REC114: variants seen among roughly 807,000 people sequenced by gnomAD.
The protein encoded by REC114 is meiotic recombination protein REC114.
Under a neutral mutation model 31.3 loss-of-function variants are expected in REC114, and 27 were observed. The observed-to-expected ratio is 0.86, with a 90% CI of 0.64 to 1.19. The LOEUF (loss-of-function observed/expected upper bound fraction) is 1.19. Ranked by LOEUF, REC114 falls within the 50% of genes most tolerant of loss-of-function variation. The pLI, the probability that REC114 is intolerant of heterozygous loss-of-function variation, is 0.00. For synonymous variants in REC114, 134 were observed against 127.7 expected (o/e 1.05, Z -0.33); for missense variants, 344 against 326.9 (o/e 1.05, Z -0.40).
chr15:73,444,424 G>A (rs1000935529), intron 1 of REC114, among the ~76,000 whole-genome samples: 7 of 152,092 alleles, frequency 4.6e-5, no homozygotes, highest in African/African-American at 9.7e-5. Context: ...CAATGTTCAC[G>A]GCATCTTCAC....
At chr15:73,508,775 C>T (rs1409183917) in intron 2 of REC114, among the ~76,000 whole-genome samples, 5 of 151,364 alleles carry the variant, frequency 3.3e-5, no homozygotes, top group Admixed American at 2.0e-4. Flanking sequence ...GACGTGAACT[C>T]ATCATTTTTT....
At chr15:73,520,136 A>G (rs144394464) in intron 2 of REC114, among the ~76,000 whole-genome samples, 2 of 152,350 alleles carry the variant, frequency 1.3e-5, no homozygotes, top group African/African-American at 2.4e-5. Context: ...TCTTACCACA[A>G]TTTAAAAAAA....
chr15:73,488,268 G>T (rs1223668652), intron 2 of REC114, among the ~76,000 whole-genome samples: 1 of 152,192 alleles, frequency 6.6e-6, no homozygotes, highest in African/African-American at 2.4e-5. Context: ...TTGTCTTAAT[G>T]AATTGTATCT....
intron 2 of REC114, among the ~76,000 whole-genome samples, chr15:73,526,990 T>A (rs891247709): frequency 5.3e-5 from 8 of 152,126 alleles, no homozygotes; most frequent in Non-Finnish European, 1.2e-4. Flanking sequence ...ATTTTTTTTT[T>A]AAATAGAGAT....
In REC114 at chr15:73,556,395, G is replaced by C; in HGVS notation, c.636+4G>C. On this transcript the variant is annotated splice_donor_region_variant and intron_variant, in intron 5 of 5. Coordinates refer to ENST00000331090, the MANE Select transcript of REC114 (RefSeq NM_001042367.2). ...CTCACTGACGCAGTTAGCTCAGGTA[G>C]AGCTTATTTCTGTGTTCAATTTTCT... is the stretch of plus-strand genomic sequence containing the variant. 1.2e-6 allele frequency: 2 copies of C among 1,611,850 alleles called. No homozygotes were observed. The highest frequency in any genetic ancestry group is 1.7e-6 in the Non-Finnish European group (2 of 1,178,746).
At chr15:73,546,511 T>G (rs1894310389) in intron 3 of REC114, among the ~76,000 whole-genome samples, 1 of 152,176 alleles carries the variant, frequency 6.6e-6, no homozygotes, top group African/African-American at 2.4e-5. Context: ...CCATTGAAAG[T>G]AATGAGGTAT....
At chr15:73,462,680 T>C (rs1893004831) in intron 1 of REC114, among the ~76,000 whole-genome samples, 1 of 152,020 alleles carries the variant, frequency 6.6e-6, no homozygotes, top group Non-Finnish European at 1.5e-5. Flanking sequence ...GGTCAGGAGA[T>C]TGAGACCATC....
intron 1 of REC114, among the ~76,000 whole-genome samples, chr15:73,463,905 G>A (rs1196952647): frequency 6.6e-6 from 1 of 151,922 alleles, no homozygotes; most frequent in Non-Finnish European, 1.5e-5. Context: ...TTCTATCCAT[G>A]GAATTCAGGA....
intron 3 of REC114, among the ~76,000 whole-genome samples, chr15:73,543,724 A>AT (rs1303605217): frequency 6.6e-6 from 1 of 152,124 alleles, no homozygotes; most frequent in Non-Finnish European, 1.5e-5. Flanking sequence ...CTAAACTTTT[A>AT]TTAACTGTTT....
At chr15:73,457,157 G>A (rs1892926764) in intron 1 of REC114, among the ~76,000 whole-genome samples, 1 of 148,488 alleles carries the variant, frequency 6.7e-6, no homozygotes, top group African/African-American at 2.5e-5. Context: ...GCTGGGACAA[G>A]AGTGGCTGGG....
chr15:73,551,740 A>G (rs560690919), intron 4 of REC114, among the ~76,000 whole-genome samples: 3 of 152,230 alleles, frequency 2.0e-5, no homozygotes, highest in South Asian at 4.1e-4. Context: ...ACAACAGACT[A>G]TGGTAATTCA....
chr15:73,559,650 G>T, intron 5 of REC114, 102 bp from the exon 6 acceptor site: 1 of 1,074,276 alleles, frequency 9.3e-7, no homozygotes, highest in Non-Finnish European at 1.3e-6. Flanking sequence ...TTTTTGGTGT[G>T]TATTTCGCTA....
At chr15:73,506,464 C>T (rs1893678634) in intron 2 of REC114, among the ~76,000 whole-genome samples, 1 of 152,140 alleles carries the variant, frequency 6.6e-6, no homozygotes, top group African/African-American at 2.4e-5. Context: ...GAGATGCCTG[C>T]AGTGCTGATA....
At chr15:73,507,350 C>T (rs1243287934) in intron 2 of REC114, among the ~76,000 whole-genome samples, 1 of 152,130 alleles carries the variant, frequency 6.6e-6, no homozygotes, top group East Asian at 1.9e-4. Flanking sequence ...CAAACTTTCT[C>T]AAATTATGAG....
rs188677352 is a variant in REC114 at position 73,494,642 on chromosome 15, G to A, written c.249+20721G>A. Among the ~76,000 whole-genome samples, 391 of 152,236 alleles carry A rather than the reference G, an allele frequency of 2.6e-3. 16 individuals are homozygous for A. In the South Asian group the frequency reaches 0.052, roughly 20 times the overall value. ...TAACAGTTATGCAGCTTTCTGTGAC[G>A]TTTGGTTGTTCGTGGTATCTCAGAT... On this transcript the variant is annotated intron_variant, in intron 2 of 5. Coordinates refer to ENST00000331090, the MANE Select transcript of REC114 (RefSeq NM_001042367.2).
chr15:73,549,187 A>C (rs1007164405), intron 3 of REC114, among the ~76,000 whole-genome samples: 15 of 152,208 alleles, frequency 9.9e-5, no homozygotes, highest in African/African-American at 3.6e-4. Context: ...TTAAAAAAAA[A>C]AATTATGAGA....
rs1893460289 is a variant in REC114 at position 73,492,504 on chromosome 15, GA to G, written c.249+18584del. Among the ~76,000 whole-genome samples the G allele has an allele frequency of 3.3e-5, 5 of 152,292 alleles. No individual in the cohort carries two copies. The South Asian group carries it at 1.0e-3, about 32-fold the overall frequency. ...GTGTTTTTGTTGGGCATACAACTAGGAGTGGAATTAATGAGTTATAGGGCAG... is the reference window on the plus strand; with the variant it reads ...GTGTTTTTGTTGGGCATACAACTAGGGTGGAATTAATGAGTTATAGGGCAG... On this transcript the variant is annotated intron_variant, in intron 2 of 5. Coordinates refer to ENST00000331090, the MANE Select transcript of REC114 (RefSeq NM_001042367.2).
At chr15:73,532,603 A>G (rs1209890550) in intron 2 of REC114, among the ~76,000 whole-genome samples, 5 of 152,000 alleles carry the variant, frequency 3.3e-5, no homozygotes, top group African/African-American at 4.8e-5. Flanking sequence ...TCCCACCAAC[A>G]GTGTAAAAGT....
intron 2 of REC114, among the ~76,000 whole-genome samples, chr15:73,502,336 CAGGGGTT>C (rs1022263487): frequency 2.0e-5 from 3 of 152,042 alleles, no homozygotes; most frequent in African/African-American, 7.3e-5. Context: ...CTTCAGGATG[CAGGGGTT>C]AGGGGCACCA....
Sources: allele counts gnomAD v4.1 joint callset (sites outside exome capture counted in the v4.1 genomes callset), GRCh38; gene constraint gnomAD v4.1.1; transcripts MANE v1.5; gene names NCBI Gene and HGNC (gene_info 2026-07-23, HGNC 2026-07-21).